Variants in EFCAB13 observed in about 807,000 individuals in gnomAD.
EFCAB13 encodes the protein EF-hand calcium-binding domain-containing protein 13.
EFCAB13 carries 91 observed loss-of-function variants against 110.2 expected under a neutral mutation model. That is an observed-to-expected ratio of 0.83 (90% CI 0.70 to 0.98). EFCAB13 has a LOEUF of 0.98. Among genes scored for constraint, EFCAB13 ranks in the 50% least tolerant of loss-of-function variants. The pLI is 0.00. For synonymous variants in EFCAB13, 323 were observed against 369.9 expected, an observed-to-expected ratio of 0.87 and a Z score of 1.45; for missense variants, 968 against 1,119.4, an observed-to-expected ratio of 0.86 and a Z score of 1.93.
intron 17 of EFCAB13, among the ~76,000 whole-genome samples, chr17:47,399,106 G>C (rs1043987530): frequency 3.3e-5 from 5 of 152,010 alleles, no homozygotes; most frequent in Non-Finnish European, 7.4e-5. Flanking sequence ...GTAGAGACGG[G>C]GTTTTGTCAT....
chr17:47,384,789 GAGA>G (rs139904280), intron 14 of EFCAB13, among the ~76,000 whole-genome samples: 1,850 of 147,870 alleles, frequency 0.013, 34 homozygotes, highest in East Asian at 0.067. Flanking sequence ...TTTTTTTATT[GAGA>G]AGGAGTCTCG....
intron 8 of EFCAB13, 83 bp from the exon 9 acceptor site, chr17:47,347,725 T>G: frequency 2.7e-6 from 3 of 1,103,682 alleles, no homozygotes; most frequent in East Asian, 2.9e-5. Context: ...TTTTTAGTGA[T>G]TATTATTTTT....
At chr17:47,410,438 ACAATCAAAC>A (rs2065828624) in intron 21 of EFCAB13, among the ~76,000 whole-genome samples, 1 of 152,206 alleles carries the variant, frequency 6.6e-6, no homozygotes, top group Non-Finnish European at 1.5e-5. Context: ...TTTGGGGGAC[ACAATCAAAC>A]CATAGCATTC....
intron 8 of EFCAB13, among the ~76,000 whole-genome samples, chr17:47,346,892 C>T (rs2065420187): frequency 6.6e-6 from 1 of 152,034 alleles, no homozygotes; most frequent in Admixed American, 6.6e-5. Flanking sequence ...ATCTGGCTTC[C>T]ACCTCCAAAA....
At chr17:47,430,182 G>C in intron 24 of EFCAB13, 1 of 1,149,728 alleles carries the variant, frequency 8.7e-7, no homozygotes, top group Non-Finnish European at 1.1e-6. Flanking sequence ...TGAGTCCACT[G>C]ACAGTACCTA....
intron 15 of EFCAB13, among the ~76,000 whole-genome samples, chr17:47,391,797 T>A (rs868466644): frequency 4.1e-4 from 63 of 152,010 alleles, no homozygotes; most frequent in Middle Eastern, 6.8e-3. Flanking sequence ...TAAAAAAAAA[T>A]TTTATTTATT....
At chr17:47,328,414 C>A in intron 4 of EFCAB13, 31 bp downstream of exon 4, 1 of 1,505,508 alleles carries the variant, frequency 6.6e-7, no homozygotes, top group South Asian at 1.2e-5. Context: ...CTAAAGATTT[C>A]TTCTTTCTTC....
rs148604972 is a variant in EFCAB13 at position 47,377,817 on chromosome 17, A to C, written c.1424A>C (p.Glu475Ala). ...SKLQENYIAA[E>A]ELQSILPSTG... ...CTTCAAGAAAATTACATTGCAGCAG[A>C]AGAACTTCAGTCTATTTTGCCTTCA... The change falls in exon 13 of 25, where the codon GAA (glutamate) becomes GCA (alanine). Residue 475 changes from glutamate to alanine, a missense_variant. Coordinates refer to ENST00000331493, the MANE Select transcript of EFCAB13 (RefSeq NM_152347.5). 49 of 1,593,528 alleles carry C rather than the reference A, an allele frequency of 3.1e-5. No individual in the cohort carries two copies. The East Asian group carries it at 6.3e-4, about 21-fold the overall frequency.
intron 13 of EFCAB13, 31 bp downstream of exon 13, chr17:47,377,934 GA>G: frequency 6.5e-7 from 1 of 1,540,668 alleles, no homozygotes; most frequent in South Asian, 1.3e-5. Context: ...AAGTTTCTGA[GA>G]AAGTTAGATA....
intron 5 of EFCAB13, among the ~76,000 whole-genome samples, chr17:47,338,679 C>T (rs2065366234): frequency 6.6e-6 from 1 of 151,928 alleles, no homozygotes; most frequent in Non-Finnish European, 1.5e-5. Flanking sequence ...TATTGTACCT[C>T]AATAGAAAAT....
At position 47,334,886 on chromosome 17, in the gene EFCAB13, C is replaced by T. The variant is rs565451397; in HGVS notation, c.31-310C>T. ...GCCATGATTGCACCACGGACTCCAC[C>T]CTAGGCAACAAAAAGAGACCCTGTC... is the stretch of plus-strand genomic sequence containing the variant. On this transcript the variant is annotated intron_variant, in intron 4 of 24. Transcript: ENST00000331493. Among the ~76,000 whole-genome samples the T allele has an allele frequency of 3.9e-5, 6 of 152,136 alleles. No homozygotes were observed. In the East Asian group the frequency reaches 1.2e-3, roughly 29 times the overall value.
At chr17:47,375,116 A>G in intron 12 of EFCAB13, 150 bp downstream of exon 12, 3 of 1,012,550 alleles carry the variant, frequency 3.0e-6, no homozygotes, top group Non-Finnish European at 4.0e-6. Context: ...ATTTATAGAG[A>G]CAGGGTTACC....
chr17:47,344,442 A>G, intron 7 of EFCAB13, 150 bp downstream of exon 7: 8 of 1,018,262 alleles, frequency 7.9e-6, no homozygotes, highest in South Asian at 1.9e-5. Flanking sequence ...AGCACTGTAT[A>G]TGGAATTGGA....
rs779320083 is a variant in EFCAB13, at chr17:47,394,011, T to C, written c.1727-14T>C. The stretch of plus-strand genomic sequence containing the variant: ...TTAAAAGATGCCAAAAAAATGTGTT[T>C]CTTTTTCCTGTAGAAACAAAAAAAG... On this transcript the variant is annotated splice_polypyrimidine_tract_variant and intron_variant, in intron 15 of 24. Transcript: ENST00000331493. 2.3e-5 allele frequency: 34 copies of C among 1,508,686 alleles called. No individual in the cohort carries two copies. Among genetic ancestry groups the C allele is most frequent in the Non-Finnish European group, 3.0e-5 (34 of 1,121,368 alleles). The allele number at this position is 1,508,686 out of a possible 1,614,324, so 93.5% of individuals were successfully genotyped here. A position where few individuals can be genotyped will look rare whatever the true frequency, so the allele number is the denominator to read the frequency against.
At chr17:47,328,643 T>C (rs2065301823) in intron 4 of EFCAB13, 2 of 359,586 alleles carry the variant, frequency 5.6e-6, no homozygotes, top group African/African-American at 4.2e-5. Context: ...ATAATTTTTG[T>C]GGAGATCAAA....
At chr17:47,396,145 G>T in intron 17 of EFCAB13, 168 bp downstream of exon 17, 1 of 462,830 alleles carries the variant, frequency 2.2e-6, no homozygotes, top group Admixed American at 3.8e-5. Context: ...CAGATTGTTT[G>T]GCTATTCAAT....
chr17:47,374,461 C>A lies in EFCAB13; in HGVS notation c.878-11C>A, dbSNP rs2143360528. 6.8e-7 allele frequency: 1 copy of A among 1,465,596 alleles called. No homozygotes were observed. The highest frequency in any genetic ancestry group is 9.1e-7 in the Non-Finnish European group (1 of 1,102,898). The allele number at this position is 1,465,596 out of a possible 1,614,324, so 90.8% of individuals were successfully genotyped here. A position where few individuals can be genotyped will look rare whatever the true frequency, so the allele number is the denominator to read the frequency against. On this transcript the variant is annotated splice_polypyrimidine_tract_variant and intron_variant, in intron 11 of 24. Coordinates refer to ENST00000331493, the MANE Select transcript of EFCAB13 (RefSeq NM_152347.5). ...AGGTAAATGAAATAATTGTATATTT[C>A]TCTTATTTAGCAATTACAGAAGGAT...
intron 14 of EFCAB13, among the ~76,000 whole-genome samples, chr17:47,387,006 C>T (rs1351430498): frequency 1.3e-5 from 2 of 151,940 alleles, no homozygotes; most frequent in Non-Finnish European, 2.9e-5. Flanking sequence ...GAGCAGGGTA[C>T]GTCAGTTGGA....
intron 4 of EFCAB13, among the ~76,000 whole-genome samples, chr17:47,331,448 T>TA (rs1183006620): frequency 6.6e-6 from 1 of 151,816 alleles, no homozygotes; most frequent in South Asian, 2.1e-4. Flanking sequence ...TTTAGGTTCA[T>TA]AAAAAAAATG....
Sources: allele counts gnomAD v4.1 joint callset (sites outside exome capture counted in the v4.1 genomes callset), GRCh38; gene constraint gnomAD v4.1.1; transcripts MANE v1.5; gene names NCBI Gene and HGNC (gene_info 2026-07-23, HGNC 2026-07-21).